Variants in MID1 observed in about 807,000 individuals in gnomAD.
The protein encoded by MID1 is midline 1.
In MID1, 7 loss-of-function variants were observed where a neutral mutation model predicts 40.4. That is an observed-to-expected ratio of 0.17 (90% CI 0.10 to 0.33). MID1 has a LOEUF of 0.33. Ranked by LOEUF, MID1 falls within the 10% of genes least tolerant of loss-of-function variation. The pLI, the probability that MID1 is intolerant of heterozygous loss-of-function variation, is 1.00. For missense variants in MID1, 367 were observed against 558.5 expected (o/e 0.66, Z 3.46); for synonymous variants, 229 against 221.2 (o/e 1.04, Z -0.31).
Position 10,482,569 on chromosome X carries a change from C to T in MID1, c.924G>A (p.Arg308=), listed in dbSNP as rs772905223. 1 of 1,210,062 alleles carries T rather than the reference C, an allele frequency of 8.3e-7. No individual in the cohort carries two copies. Among genetic ancestry groups the T allele is most frequent in the South Asian group, 1.8e-5 (1 of 56,943 alleles). ...QIANCKQCIE[R]SASLISQAEH... ...CCGCTTGGGAGATGAGTGATGCTGA[C>T]CGCTCAATGCACTGTTTGCAGTTTG... The change falls in exon 5 of 10, where the codon CGG becomes CGA. Residue 308 remains arginine (R), a synonymous_variant. Transcript: ENST00000317552.
At chrX:10,669,120 G>A (rs1218641929) in intron 1 of MID1, among the ~76,000 whole-genome samples, 3 of 105,760 alleles carry the variant, frequency 2.8e-5, no homozygotes, top group Non-Finnish European at 5.8e-5. Flanking sequence ...TCGGGAGGCT[G>A]AGGCAGGAGA....
chrX:10,779,077 G>C (rs1569168096), intron 1 of MID1, among the ~76,000 whole-genome samples: 2 of 112,728 alleles, frequency 1.8e-5, no homozygotes, highest in African/African-American at 6.4e-5. Context: ...GTTCTAGCAA[G>C]AACTAGAAAG....
chrX:10,665,528 C>CT (rs373056802), intron 1 of MID1, among the ~76,000 whole-genome samples: 1,667 of 96,406 alleles, frequency 0.017, 12 homozygotes, highest in Middle Eastern at 0.031. Flanking sequence ...CAAATAGCCA[C>CT]TTTTTTTTTT....
At chrX:10,768,523 T>G (rs2043745858) in intron 1 of MID1, among the ~76,000 whole-genome samples, 1 of 111,775 alleles carries the variant, frequency 8.9e-6, no homozygotes, top group Non-Finnish European at 1.9e-5. Flanking sequence ...CAAAGTCACA[T>G]GATTTCTGGA....
chrX:10,600,367 C>A (rs1209564866), intron 1 of MID1, among the ~76,000 whole-genome samples: 1 of 110,502 alleles, frequency 9.0e-6, no homozygotes, highest in East Asian at 2.8e-4. Flanking sequence ...TTTTTGAATT[C>A]TCCTTATGTT....
At chrX:10,568,686 G>C (rs1298256459) in intron 1 of MID1, among the ~76,000 whole-genome samples, 1 of 110,719 alleles carries the variant, frequency 9.0e-6, no homozygotes, top group African/African-American at 3.3e-5. Flanking sequence ...ACCCGAGGGT[G>C]GCCCAGCTGC....
chrX:10,677,425 A>T (rs2043029786), intron 1 of MID1: 1 of 112,287 alleles, frequency 8.9e-6, no homozygotes, highest in Non-Finnish European at 1.9e-5. Context: ...TCAATCTGGA[A>T]TTCCCACTTA....
chrX:10,697,668 G>T (rs754331403), intron 1 of MID1, among the ~76,000 whole-genome samples: 1 of 111,628 alleles, frequency 9.0e-6, no homozygotes, highest in Non-Finnish European at 1.9e-5. Flanking sequence ...ATCTGGCATG[G>T]CGTCTGCGGG....
intron 1 of MID1, among the ~76,000 whole-genome samples, chrX:10,681,053 A>AATAATG (rs1416294373): frequency 1.9e-5 from 2 of 103,948 alleles, no homozygotes; most frequent in Non-Finnish European, 3.9e-5. Flanking sequence ...TAATAATAAT[A>AATAATG]ATAATAATAA....
intron 1 of MID1, among the ~76,000 whole-genome samples, chrX:10,643,595 A>G (rs1447703297): frequency 2.7e-5 from 3 of 111,895 alleles, no homozygotes; most frequent in Non-Finnish European, 3.8e-5. Context: ...AAGTCAGTGT[A>G]GCGATTCCTC....
At chrX:10,626,894 T>C (rs925093100) in intron 1 of MID1, among the ~76,000 whole-genome samples, 13 of 111,774 alleles carry the variant, frequency 1.2e-4, no homozygotes, top group African/African-American at 3.9e-4. Context: ...TAATTCCTTT[T>C]TGATCATATG....
intron 8 of MID1, 28 bp downstream of exon 8, chrX:10,459,618 A>G: frequency 2.5e-6 from 3 of 1,201,013 alleles, no homozygotes; most frequent in Non-Finnish European, 3.4e-6. Context: ...ATAAGACATG[A>G]CAGCTCTGTT....
chrX:10,451,821 C>CATAG (rs1318042248), intron 9 of MID1, among the ~76,000 whole-genome samples: 2 of 111,482 alleles, frequency 1.8e-5, no homozygotes, highest in African/African-American at 6.6e-5. Context: ...TTCCCAGCCA[C>CATAG]ATAGAACTGT....
At chrX:10,727,545 T>C (rs1027758272) in intron 1 of MID1, among the ~76,000 whole-genome samples, 2 of 112,398 alleles carry the variant, frequency 1.8e-5, no homozygotes, top group African/African-American at 6.5e-5. Flanking sequence ...ACTTCGCAAT[T>C]TTTTTTCAAG....
At chrX:10,570,365 C>T (rs889161058) in intron 1 of MID1, among the ~76,000 whole-genome samples, 10 of 112,158 alleles carry the variant, frequency 8.9e-5, no homozygotes, top group Non-Finnish European at 1.7e-4. Context: ...TCCCCCATCT[C>T]GGTTTATTTT....
At chrX:10,722,786 G>A (rs1367330133) in intron 1 of MID1, among the ~76,000 whole-genome samples, 1 of 111,896 alleles carries the variant, frequency 8.9e-6, no homozygotes, top group Non-Finnish European at 1.9e-5. Flanking sequence ...TGCTGACATT[G>A]GGAGCCCCGG....
intron 5 of MID1, chrX:10,474,965 A>C: frequency 2.1e-6 from 1 of 465,303 alleles, no homozygotes. Flanking sequence ...AAACAACAAA[A>C]TGGCTTGCCC....
intron 1 of MID1, among the ~76,000 whole-genome samples, chrX:10,812,615 C>A (rs1346785633): frequency 9.0e-6 from 1 of 111,445 alleles, no homozygotes; most frequent in Non-Finnish European, 1.9e-5. Flanking sequence ...TTCAGGGACA[C>A]ATGTCTTCAC....
intron 1 of MID1, among the ~76,000 whole-genome samples, chrX:10,738,735 G>C (rs2043502998): frequency 9.0e-6 from 1 of 110,812 alleles, no homozygotes; most frequent in Non-Finnish European, 1.9e-5. Context: ...GGGACATACT[G>C]ATACTACAGT....
Sources: gnomAD v4.1 joint callset for allele counts (sites outside exome capture counted in the v4.1 genomes callset) on GRCh38, gnomAD v4.1.1 for gene constraint, MANE v1.5 for transcripts, NCBI Gene and HGNC (gene_info 2026-07-23, HGNC 2026-07-21) for gene names.